SLC35A5: variants seen among roughly 807,000 people sequenced by gnomAD.
The protein encoded by SLC35A5 is UDP-sugar transporter protein SLC35A5.
In SLC35A5, 28 loss-of-function variants were observed where a neutral mutation model predicts 36.3. The ratio of observed to expected loss-of-function variants is 0.77; its 90% confidence interval spans 0.57 to 1.06. SLC35A5 has a LOEUF of 1.06. Among genes scored for constraint, SLC35A5 ranks in the 50% least tolerant of loss-of-function variants. The probability of loss-of-function intolerance (pLI) is 0.00; values close to 1 mark genes in which losing one functional copy is unlikely to be tolerated. For missense variants in SLC35A5, 521 were observed against 499.3 expected, an observed-to-expected ratio of 1.04 and a Z score of -0.41; for synonymous variants, 180 against 173.7, an observed-to-expected ratio of 1.04 and a Z score of -0.29.
intron 2 of SLC35A5, among the ~76,000 whole-genome samples, chr3:112,567,165 G>T (rs1328801133): frequency 6.6e-6 from 1 of 151,828 alleles, no homozygotes; most frequent in Non-Finnish European, 1.5e-5. Flanking sequence ...GGTGGAGCTT[G>T]CAGTGAGCTG....
At chr3:112,561,801 C>G (rs1450554598), upstream of SLC35A5, 4 of 460,022 alleles carry the variant, frequency 8.7e-6, no homozygotes, top group South Asian at 7.7e-5. Flanking sequence ...GGGAGGGCAG[C>G]GGGGCCGAAG....
At chr3:112,580,264 G>A (rs939712457) in intron 5 of SLC35A5, among the ~76,000 whole-genome samples, 2 of 152,122 alleles carry the variant, frequency 1.3e-5, no homozygotes, top group East Asian at 3.9e-4. Context: ...TACCTCTAGA[G>A]GTAGAAAGGA....
intron 5 of SLC35A5, among the ~76,000 whole-genome samples, 186 bp from the exon 6 acceptor site, chr3:112,580,360 T>C (rs1291741608): frequency 6.6e-6 from 1 of 152,152 alleles, no homozygotes; most frequent in Non-Finnish European, 1.5e-5. Flanking sequence ...GTTATAAAAA[T>C]GAATTAAAAC....
chr3:112,569,070 A>T, intron 2 of SLC35A5, 101 bp from the exon 3 acceptor site: 1 of 896,110 alleles, frequency 1.1e-6, no homozygotes, highest in Non-Finnish European at 1.7e-6. Context: ...TATAACCAGT[A>T]GTAAATCCAG....
chr3:112,565,969 TG>T, intron 2 of SLC35A5, among the ~76,000 whole-genome samples: 1 of 152,080 alleles, frequency 6.6e-6, no homozygotes, highest in East Asian at 1.9e-4. Flanking sequence ...GGGACTGTTA[TG>T]GTAGCTGGAT....
upstream of SLC35A5, chr3:112,561,392 G>A: frequency 1.9e-6 from 3 of 1,539,652 alleles, no homozygotes; most frequent in South Asian, 1.1e-5. Context: ...GGACTCCTGC[G>A]GCGCCTGGTC....
At chr3:112,568,631 C>T (rs2107421671) in intron 2 of SLC35A5, among the ~76,000 whole-genome samples, 1 of 152,292 alleles carries the variant, frequency 6.6e-6, no homozygotes, top group East Asian at 1.9e-4. Flanking sequence ...TCCTTCTTTA[C>T]CTCAGTGTAC....
upstream of SLC35A5, chr3:112,561,832 G>C (rs1933902550): frequency 2.6e-6 from 1 of 389,992 alleles, no homozygotes; most frequent in Non-Finnish European, 4.6e-6. Flanking sequence ...GGTGAGAAGC[G>C]GACGCACACG....
intron 2 of SLC35A5, among the ~76,000 whole-genome samples, chr3:112,564,744 C>G (rs1235224905): frequency 1.3e-5 from 2 of 152,036 alleles, no homozygotes; most frequent in South Asian, 2.1e-4. Flanking sequence ...GAGGTCGCTG[C>G]GGCTTTCCAC....
At chr3:112,564,737 G>A (rs1409045992) in intron 2 of SLC35A5, among the ~76,000 whole-genome samples, 1 of 152,196 alleles carries the variant, frequency 6.6e-6, no homozygotes. Context: ...CTAGGCAGAG[G>A]TCGCTGCGGC....
chr3:112,578,479 G>A (rs1307531916), intron 5 of SLC35A5, among the ~76,000 whole-genome samples: 2 of 152,148 alleles, frequency 1.3e-5, no homozygotes, highest in African/African-American at 2.4e-5. Context: ...ATGTTTTACC[G>A]AGGCAGTGGA....
At chr3:112,564,611 C>T (rs1271589185) in intron 2 of SLC35A5, among the ~76,000 whole-genome samples, 4 of 152,318 alleles carry the variant, frequency 2.6e-5, no homozygotes, top group Admixed American at 2.6e-4. Context: ...ACTAATCCTC[C>T]TCAGCACAGA....
At chr3:112,577,972 A>T (rs923721736) in intron 5 of SLC35A5, among the ~76,000 whole-genome samples, 2 of 152,198 alleles carry the variant, frequency 1.3e-5, no homozygotes, top group African/African-American at 4.8e-5. Context: ...GTTTACTACC[A>T]CCAAATATAG....
intron 2 of SLC35A5, among the ~76,000 whole-genome samples, chr3:112,566,278 G>A (rs34233684): frequency 0.73 from 111,734 of 152,146 alleles, 45,737 homozygotes; most frequent in Non-Finnish European, 0.92. Flanking sequence ...AGTTGAAGAG[G>A]TCAGGAGCTA....
chr3:112,568,545 G>T (rs16845067), intron 2 of SLC35A5, among the ~76,000 whole-genome samples: 10,183 of 152,234 alleles, frequency 0.067, 425 homozygotes, highest in Admixed American at 0.12. Flanking sequence ...CAGTGGGTTT[G>T]GATGTGTCCA....
chr3:112,570,643 C>G lies in SLC35A5; in HGVS notation c.333C>G (p.Val111=). The part of the protein sequence containing the change: ...AFLYFLDNLI[V]FYVLSYLQPA... ...TTTATTTCCTGGATAACTTGATTGT[C>G]TTCTATGTCCTGTCCTATCTTCAAC... The change falls in exon 4 of 7, where the codon GTC becomes GTG. Residue 111 remains valine, a synonymous_variant. Coordinates refer to ENST00000492406, the MANE Select transcript of SLC35A5 (RefSeq NM_017945.5). The G allele has an allele frequency of 6.2e-7, 1 of 1,610,386 alleles. No individual in the cohort carries two copies. The highest frequency in any genetic ancestry group is 8.5e-7 in the Non-Finnish European group (1 of 1,178,368).
intron 2 of SLC35A5, among the ~76,000 whole-genome samples, chr3:112,568,451 AAC>A (rs1491105031): frequency 6.6e-6 from 1 of 152,244 alleles, no homozygotes; most frequent in African/African-American, 2.4e-5. Flanking sequence ...AGAGACAGGT[AAC>A]AGTTAAGATG....
intron 5 of SLC35A5, among the ~76,000 whole-genome samples, chr3:112,576,210 C>A (rs1054235484): frequency 2.0e-5 from 3 of 152,054 alleles, no homozygotes; most frequent in African/African-American, 7.2e-5. Flanking sequence ...TCACTGCAAC[C>A]TCCGCCTCCT....
At position 112,583,261 on chromosome 3, in the gene SLC35A5, T is replaced by G; in HGVS notation, c.*525T>G. 5.1e-6 allele frequency: 2 copies of G among 391,498 alleles called. No individual in the cohort carries two copies. Among genetic ancestry groups the G allele is most frequent in the Non-Finnish European group, 4.5e-6 (1 of 222,184 alleles). 24.3% of individuals were successfully genotyped at this position (391,498 alleles called of 1,614,324 possible). On this transcript the variant is annotated 3_prime_UTR_variant, in exon 7 of 7. Transcript: ENST00000492406. Reference sequence around the variant, plus strand: ...GTTGAAGGACCTAAATACCTGGCCATACCATAGATTTGGGATGATGTAGTC... The same window carrying G: ...GTTGAAGGACCTAAATACCTGGCCAGACCATAGATTTGGGATGATGTAGTC...
Sources: gnomAD v4.1 joint callset for allele counts (sites outside exome capture counted in the v4.1 genomes callset) on GRCh38, gnomAD v4.1.1 for gene constraint, MANE v1.5 for transcripts, NCBI Gene and HGNC (gene_info 2026-07-23, HGNC 2026-07-21) for gene names.